The following L2HGDH variants were observed in gnomAD, a reference collection of about 807,000 sequenced individuals.
L2HGDH encodes the protein L-2-hydroxyglutarate dehydrogenase, also known as L-2-hydroxyglutarate dehydrogenase, mitochondrial.
In L2HGDH, 34 loss-of-function variants were observed where a neutral mutation model predicts 51.5. The observed-to-expected ratio is 0.66, with a 90% CI of 0.50 to 0.88. The LOEUF (loss-of-function observed/expected upper bound fraction) is 0.88. L2HGDH is among the 40% of genes least tolerant of loss of function. The pLI, the probability that L2HGDH is intolerant of heterozygous loss-of-function variation, is 0.00. For missense variants in L2HGDH, 558 were observed against 571.9 expected (o/e 0.98, Z 0.25); for synonymous variants, 198 against 197.9 (o/e 1.00, Z -0.01).
chr14:50,306,632 A>T (rs1441071576), intron 1 of L2HGDH, among the ~76,000 whole-genome samples: 1 of 131,998 alleles, frequency 7.6e-6, no homozygotes. Context: ...GAGACTAGTG[A>T]TTAAATGTTG....
Position 50,269,244 on chromosome 14 carries a change from A to C in L2HGDH, c.825T>G (p.Asp275Glu). ...RISELSGCTP[D>E]PRIVPFRGDY... is the part of the protein sequence containing the mutation. ...CTCCCCGGAATGGTACAATTCGAGG[A>C]TCAGGAGTGCAGCCACTCAACTCTG... The change falls in exon 7 of 10, where the codon GAT becomes GAG. Residue 275 changes from aspartate to glutamate, a missense_variant. Asp to Glu is a conservative substitution (Grantham distance 45, BLOSUM62 2). Transcript: ENST00000267436. 3 of 1,614,002 alleles carry C rather than the reference A, an allele frequency of 1.9e-6. No homozygotes were observed. The South Asian group carries it at 3.3e-5, about 18-fold the overall frequency.
intron 4 of L2HGDH, among the ~76,000 whole-genome samples, chr14:50,286,178 A>G (rs895120370): frequency 5.9e-5 from 9 of 151,438 alleles, no homozygotes; most frequent in Non-Finnish European, 1.3e-4. Context: ...ATCTCAAGTC[A>G]GGATACAGAG....
intron 5 of L2HGDH, among the ~76,000 whole-genome samples, chr14:50,280,064 GAAA>G (rs201567688): frequency 1.7e-5 from 2 of 118,090 alleles, no homozygotes; most frequent in Admixed American, 8.8e-5. Flanking sequence ...CGTCTCAAAA[GAAA>G]AAAAAAAAAA....
At chr14:50,250,704 CAGAA>C (rs2139931972) in intron 9 of L2HGDH, among the ~76,000 whole-genome samples, 1 of 152,302 alleles carries the variant, frequency 6.6e-6, no homozygotes, top group East Asian at 1.9e-4. Context: ...TTAGCACAGA[CAGAA>C]AGAGACTCCA....
chr14:50,294,294 T>C (rs746503349), intron 3 of L2HGDH, 48 bp from the exon 4 acceptor site: 5 of 1,583,028 alleles, frequency 3.2e-6, no homozygotes, highest in East Asian at 2.2e-5. Context: ...GAATGTATCA[T>C]CAGCGATGAA....
At chr14:50,285,356 T>C (rs895391174) in intron 4 of L2HGDH, among the ~76,000 whole-genome samples, 9 of 152,222 alleles carry the variant, frequency 5.9e-5, no homozygotes, top group African/African-American at 2.2e-4. Context: ...TTTTAACAAA[T>C]TGAAAGCAAT....
intron 8 of L2HGDH, among the ~76,000 whole-genome samples, chr14:50,267,145 TTTTATTTATTTATTTATTTA>T (rs149075578): frequency 0.037 from 5,318 of 143,438 alleles, 290 homozygotes; most frequent in African/African-American, 0.12. Flanking sequence ...TTCTTTTTAT[TTTTATTTATTTATTTATTTA>T]TTTATTTATT....
chr14:50,258,624 C>T (rs2139950723), intron 9 of L2HGDH, among the ~76,000 whole-genome samples: 1 of 152,090 alleles, frequency 6.6e-6, no homozygotes, highest in Non-Finnish European at 1.5e-5. Context: ...AGCAATCCTC[C>T]TGCCTCAGCT....
At chr14:50,273,511 C>T (rs1367561253) in intron 6 of L2HGDH, among the ~76,000 whole-genome samples, 28 of 152,132 alleles carry the variant, frequency 1.8e-4, no homozygotes, top group Admixed American at 1.8e-3. Context: ...AAAACTAAGA[C>T]TCCTGGAAGA....
chr14:50,267,449 TGGGATTACA>T (rs1889409314), intron 8 of L2HGDH, among the ~76,000 whole-genome samples: 1 of 152,216 alleles, frequency 6.6e-6, no homozygotes, highest in Non-Finnish European at 1.5e-5. Flanking sequence ...CCCAGAGTGC[TGGGATTACA>T]GGCATGAGCC....
chr14:50,294,506 A>G (rs548510210), intron 3 of L2HGDH, among the ~76,000 whole-genome samples: 2 of 152,348 alleles, frequency 1.3e-5, no homozygotes, highest in South Asian at 2.1e-4. Flanking sequence ...CACTTCTGTT[A>G]TCATAGTCTC....
chr14:50,298,377 G>A (rs994162968), intron 3 of L2HGDH, among the ~76,000 whole-genome samples: 8 of 151,538 alleles, frequency 5.3e-5, no homozygotes, highest in Admixed American at 1.3e-4. Flanking sequence ...GTGCAATGGC[G>A]CGATCTCAGC....
chr14:50,255,733 A>T (rs1291035755), intron 9 of L2HGDH, among the ~76,000 whole-genome samples: 3 of 151,878 alleles, frequency 2.0e-5, no homozygotes, highest in African/African-American at 7.2e-5. Context: ...TATTTTTTTA[A>T]TTTTTATTTT....
At position 50,294,133 on chromosome 14, in the gene L2HGDH, CT is replaced by C; in HGVS notation, c.521del (p.Lys174ArgfsTer9). On this transcript the variant is annotated frameshift_variant, in exon 4 of 10. Transcript: ENST00000267436. LOFTEE classifies it high-confidence loss of function. ...LRLIQQEDIK[K>X]KEPYCRGLMA... ...CACTTACCCTACAATATGGCTCCTT[CT>C]TTTTTATATCCTCCTGCTGGATCAG... 6.2e-7 allele frequency: 1 copy of C among 1,613,888 alleles called. No homozygotes were observed. Among genetic ancestry groups the C allele is most frequent in the Admixed American group, 1.7e-5 (1 of 60,006 alleles).
At chr14:50,276,472 C>T (rs74761566) in intron 6 of L2HGDH, among the ~76,000 whole-genome samples, 1 of 147,716 alleles carries the variant, frequency 6.8e-6, no homozygotes, top group Admixed American at 6.8e-5. Flanking sequence ...GCCCCCCCCA[C>T]CCCAATTCAT....
chr14:50,295,572 A>ATTTTT (rs545388262), intron 3 of L2HGDH, among the ~76,000 whole-genome samples: 13 of 105,798 alleles, frequency 1.2e-4, no homozygotes, highest in East Asian at 1.1e-3. Context: ...CACTCGGCTA[A>ATTTTT]TTTTTTTTTT....
At chr14:50,270,779 T>G (rs1250529981) in intron 6 of L2HGDH, among the ~76,000 whole-genome samples, 1 of 152,138 alleles carries the variant, frequency 6.6e-6, no homozygotes, top group East Asian at 1.9e-4. Flanking sequence ...GTGCTGGGAT[T>G]ACAGGCGTGA....
chr14:50,269,877 AAATTAAAGTTATTACCTATTGAT>A (rs1889569072), intron 6 of L2HGDH, among the ~76,000 whole-genome samples: 1 of 151,970 alleles, frequency 6.6e-6, no homozygotes. Flanking sequence ...AATCATTTTA[AAATTAAAGTTATTACCTATTGAT>A]AATTATATCC....
chr14:50,272,723 T>G (rs1889767785), intron 6 of L2HGDH, among the ~76,000 whole-genome samples: 1 of 152,034 alleles, frequency 6.6e-6, no homozygotes, highest in African/African-American at 2.4e-5. Flanking sequence ...TAAGAAAAAT[T>G]GTAAGATAAG....
Sources: allele counts gnomAD v4.1 joint callset (sites outside exome capture counted in the v4.1 genomes callset), GRCh38; gene constraint gnomAD v4.1.1; transcripts MANE v1.5; gene names NCBI Gene and HGNC (gene_info 2026-07-23, HGNC 2026-07-21).